Variants in IPCEF1 observed in about 807,000 individuals in gnomAD.
The protein encoded by IPCEF1 is interactor protein for cytohesin exchange factors 1.
IPCEF1 carries 31 observed loss-of-function variants against 50.9 expected under a neutral mutation model. That is an observed-to-expected ratio of 0.61 (90% confidence interval 0.46 to 0.82). The LOEUF (loss-of-function observed/expected upper bound fraction) is 0.82, where lower values mean the gene tolerates loss of function less well. IPCEF1 is among the 40% of genes least tolerant of loss of function. IPCEF1 has a pLI of 0.00. For synonymous variants in IPCEF1, 181 were observed against 192.0 expected, an observed-to-expected ratio of 0.94 and a Z score of 0.47; for missense variants, 458 against 514.0, an observed-to-expected ratio of 0.89 and a Z score of 1.05.
intron 10 of IPCEF1, among the ~76,000 whole-genome samples, chr6:154,186,609 T>A (rs910274794): frequency 1.3e-5 from 2 of 151,816 alleles, no homozygotes; most frequent in Admixed American, 6.6e-5. Context: ...CAGGCTGGAG[T>A]GCAGTGGTGC....
chr6:154,342,797 C>A (rs1169187397), intron 1 of IPCEF1, among the ~76,000 whole-genome samples: 1 of 152,118 alleles, frequency 6.6e-6, no homozygotes, highest in East Asian at 1.9e-4. Flanking sequence ...AAATACTAAA[C>A]CTCCTAAATA....
At chr6:154,273,720 CTTTCTTTTTTTTTTTTTTTT>C (rs1781961294) in intron 2 of IPCEF1, among the ~76,000 whole-genome samples, 3 of 25,458 alleles carry the variant, frequency 1.2e-4, no homozygotes, top group Non-Finnish European at 2.6e-4. Context: ...TTCTTTCTTT[CTTTCTTTTTTTTTTTTTTTT>C]TTTTTTTTTT....
At chr6:154,314,640 A>G (rs1280743159) in intron 1 of IPCEF1, among the ~76,000 whole-genome samples, 2 of 152,168 alleles carry the variant, frequency 1.3e-5, no homozygotes, top group Non-Finnish European at 2.9e-5. Flanking sequence ...TTTCTAATTG[A>G]ATTCTCGTAT....
intron 1 of IPCEF1, among the ~76,000 whole-genome samples, chr6:154,291,625 C>G (rs1248589527): frequency 2.0e-5 from 3 of 151,626 alleles, no homozygotes; most frequent in African/African-American, 7.3e-5. Flanking sequence ...CAGCATGTAC[C>G]TCCTAAGAGC....
At chr6:154,325,587 C>A (rs1279709091) in intron 1 of IPCEF1, among the ~76,000 whole-genome samples, 1 of 152,128 alleles carries the variant, frequency 6.6e-6, no homozygotes, top group Non-Finnish European at 1.5e-5. Flanking sequence ...TACTTTCTGC[C>A]AATCACTACT....
intron 7 of IPCEF1, among the ~76,000 whole-genome samples, chr6:154,217,979 A>C (rs1778547544): frequency 6.6e-6 from 1 of 152,234 alleles, no homozygotes; most frequent in Non-Finnish European, 1.5e-5. Flanking sequence ...TAACCTTTTC[A>C]TTACAACCAT....
At chr6:154,192,659 T>C (rs1583758853) in intron 10 of IPCEF1, among the ~76,000 whole-genome samples, 1 of 27,998 alleles carries the variant, frequency 3.6e-5, no homozygotes. Flanking sequence ...ACAAACAAAT[T>C]AGGAAGAAAA....
At chr6:154,264,868 GT>G (rs552031838) in intron 3 of IPCEF1, among the ~76,000 whole-genome samples, 15 of 151,000 alleles carry the variant, frequency 9.9e-5, no homozygotes, top group Admixed American at 2.6e-4. Context: ...GAGCTGTCTA[GT>G]TAACTCAGAT....
intron 3 of IPCEF1, among the ~76,000 whole-genome samples, chr6:154,258,581 C>G (rs1781517580): frequency 2.0e-5 from 3 of 152,284 alleles, no homozygotes; most frequent in South Asian, 2.1e-4. Context: ...CCTTTCCCCT[C>G]TCCTACACAT....
At chr6:154,309,855 C>T (rs1783035137) in intron 1 of IPCEF1, among the ~76,000 whole-genome samples, 1 of 151,908 alleles carries the variant, frequency 6.6e-6, no homozygotes, top group South Asian at 2.1e-4. Context: ...CCTCCGCCTC[C>T]CCGGTTCAAG....
At chr6:154,332,607 T>A (rs1436165974) in intron 1 of IPCEF1, among the ~76,000 whole-genome samples, 1 of 152,202 alleles carries the variant, frequency 6.6e-6, no homozygotes, top group Non-Finnish European at 1.5e-5. Flanking sequence ...GATTCCAGCA[T>A]TTTATACAGG....
chr6:154,263,376 G>T (rs897213892), intron 3 of IPCEF1, among the ~76,000 whole-genome samples: 3 of 144,562 alleles, frequency 2.1e-5, no homozygotes, highest in Non-Finnish European at 4.5e-5. Flanking sequence ...GGTTTTCCTA[G>T]GCAGAGGACC....
intron 1 of IPCEF1, among the ~76,000 whole-genome samples, chr6:154,344,149 C>T (rs888374978): frequency 5.3e-5 from 8 of 152,182 alleles, no homozygotes; most frequent in African/African-American, 1.9e-4. Flanking sequence ...TTTTGGAGCA[C>T]CTCTCCCTCT....
chr6:154,350,501 T>C (rs185289234), intron 1 of IPCEF1, among the ~76,000 whole-genome samples: 103 of 152,340 alleles, frequency 6.8e-4, no homozygotes, highest in South Asian at 1.9e-3. Flanking sequence ...TGAGGCCCAA[T>C]GCCACAAGTT....
At position 154,175,009 on chromosome 6, in the gene IPCEF1, T is replaced by C. The variant is rs142875689; in HGVS notation, c.911-6896A>G. On this transcript the variant is annotated intron_variant, in intron 10 of 11. Coordinates refer to ENST00000367220, the MANE Select transcript of IPCEF1 (RefSeq NM_001130700.2). ...AGTGCAATCAAATTAGAATTCAGGA[T>C]TAAGAAACTCACTCCAAACTGCACA... Among the ~76,000 whole-genome samples the C allele has an allele frequency of 2.3e-4, 35 of 152,266 alleles. No homozygotes were observed. In the East Asian group the frequency reaches 5.4e-3, roughly 23 times the overall value.
intron 9 of IPCEF1, among the ~76,000 whole-genome samples, chr6:154,202,938 CA>C (rs1204165587): frequency 2.6e-5 from 4 of 152,118 alleles, no homozygotes; most frequent in African/African-American, 4.8e-5. Flanking sequence ...ATATTCAGGT[CA>C]GGGGGAGTTT....
At chr6:154,288,433 G>A (rs1782419720) in intron 2 of IPCEF1, among the ~76,000 whole-genome samples, 2 of 152,148 alleles carry the variant, frequency 1.3e-5, no homozygotes, top group Non-Finnish European at 1.5e-5. Context: ...GGAGGCCGAG[G>A]CGGGCAGATC....
rs149327717 is a variant in IPCEF1 at position 154,200,281 on chromosome 6, T to C, written c.538-241A>G. Among the ~76,000 whole-genome samples the C allele has an allele frequency of 5.7e-3, 865 of 152,354 alleles. 5 individuals carry two copies. Among genetic ancestry groups the C allele is most frequent in the African/African-American group, 0.02 (822 of 41,590 alleles). On this transcript the variant is annotated intron_variant, in intron 9 of 11. Coordinates refer to ENST00000367220, the MANE Select transcript of IPCEF1 (RefSeq NM_001130700.2). ...TTCTAGGATCTGAAAAATCTCCTTATCATGATTTGTCCTATTCTTCAATGC... is the reference window on the plus strand; with the variant it reads ...TTCTAGGATCTGAAAAATCTCCTTACCATGATTTGTCCTATTCTTCAATGC...
chr6:154,192,494 A>C (rs9371333), intron 10 of IPCEF1, among the ~76,000 whole-genome samples: 87,178 of 151,872 alleles, frequency 0.57, 25,466 homozygotes, highest in East Asian at 0.89. Flanking sequence ...ATGAAAAGAA[A>C]TGGAAAACCA....
Sources: gnomAD v4.1 joint callset for allele counts (sites outside exome capture counted in the v4.1 genomes callset) on GRCh38, gnomAD v4.1.1 for gene constraint, MANE v1.5 for transcripts, NCBI Gene and HGNC (gene_info 2026-07-23, HGNC 2026-07-21) for gene names.